Variants in PREX1 observed in about 807,000 individuals in gnomAD.
The protein encoded by PREX1 is phosphatidylinositol 3,4,5-trisphosphate-dependent Rac exchanger 1 protein.
In PREX1, 41 loss-of-function variants were observed where a neutral mutation model predicts 198.3. The ratio of observed to expected loss-of-function variants is 0.21; its 90% confidence interval spans 0.16 to 0.27. The LOEUF is 0.27. Ranked by LOEUF, PREX1 falls within the 10% of genes least tolerant of loss-of-function variation. PREX1 has a pLI of 1.00. For missense variants in PREX1, 1,620 were observed against 2,200.7 expected (o/e 0.74, Z 5.28); for synonymous variants, 843 against 887.2 (o/e 0.95, Z 0.89).
At chr20:48,736,680 T>C (rs1421562574) in intron 3 of PREX1, among the ~76,000 whole-genome samples, 1 of 152,164 alleles carries the variant, frequency 6.6e-6, no homozygotes, top group African/African-American at 2.4e-5. Context: ...TGGACACACC[T>C]GGAACCAGGA....
intron 1 of PREX1, among the ~76,000 whole-genome samples, chr20:48,802,888 T>C (rs1319398947): frequency 6.6e-6 from 1 of 152,150 alleles, no homozygotes; most frequent in African/African-American, 2.4e-5. Context: ...ACAGGGGCCC[T>C]GGCCCAAGCT....
chr20:48,634,384 T>C (rs1039737667), intron 33 of PREX1, among the ~76,000 whole-genome samples: 3 of 152,236 alleles, frequency 2.0e-5, no homozygotes, highest in Non-Finnish European at 1.5e-5. Context: ...TCTTAAGTTT[T>C]CACATCTCTA....
intron 27 of PREX1, among the ~76,000 whole-genome samples, chr20:48,643,468 A>T (rs937387656): frequency 2.0e-5 from 3 of 150,772 alleles, no homozygotes; most frequent in African/African-American, 7.3e-5. Flanking sequence ...ACTCTGTCTC[A>T]AAAAAAAATT....
At chr20:48,815,080 A>T (rs1177822487) in intron 1 of PREX1, among the ~76,000 whole-genome samples, 1 of 152,252 alleles carries the variant, frequency 6.6e-6, no homozygotes, top group Non-Finnish European at 1.5e-5. Flanking sequence ...TCAATTCACC[A>T]GGAAGACATA....
intron 1 of PREX1, among the ~76,000 whole-genome samples, chr20:48,787,144 T>C (rs2090316789): frequency 1.3e-5 from 2 of 152,114 alleles, no homozygotes; most frequent in South Asian, 2.1e-4. Flanking sequence ...TTCCTCACCA[T>C]GGTGACGGGC....
At chr20:48,793,109 G>T (rs550182606) in intron 1 of PREX1, among the ~76,000 whole-genome samples, 5 of 152,108 alleles carry the variant, frequency 3.3e-5, no homozygotes, top group African/African-American at 7.2e-5. Flanking sequence ...GAAGGCTGAG[G>T]GGGGAGAATT....
intron 14 of PREX1, among the ~76,000 whole-genome samples, chr20:48,675,765 G>C (rs1017387934): frequency 1.3e-5 from 2 of 152,172 alleles, no homozygotes; most frequent in African/African-American, 4.8e-5. Flanking sequence ...ATGGCCGGGC[G>C]TGGTGGCTCA....
At chr20:48,832,120 A>T (rs1166538968), upstream of PREX1, among the ~76,000 whole-genome samples, 1 of 149,554 alleles carries the variant, frequency 6.7e-6, no homozygotes, top group African/African-American at 2.5e-5. Flanking sequence ...AAGAAAAAAA[A>T]AAAATTGCAG....
intron 1 of PREX1, among the ~76,000 whole-genome samples, chr20:48,758,570 G>A (rs914186985): frequency 1.1e-4 from 16 of 152,214 alleles, no homozygotes; most frequent in African/African-American, 3.9e-4. Flanking sequence ...CTCGCTGCCT[G>A]TTAAAACACC....
the PREX1 span, among the ~76,000 whole-genome samples, chr20:48,852,616 C>A: frequency 6.6e-6 from 1 of 152,194 alleles, no homozygotes; most frequent in African/African-American, 2.4e-5. Flanking sequence ...GCAGTTCTAA[C>A]AAAGCTCCCA....
chr20:48,708,356 G>C lies in PREX1; in HGVS notation c.687C>G (p.Ala229=), dbSNP rs745709038. Residue 229 remains alanine (A), a synonymous_variant, in exon 6 of 40, where the codon GCC becomes GCG. Coordinates refer to ENST00000371941, the MANE Select transcript of PREX1 (RefSeq NM_020820.4). ...TGATGTTGGAGCAAACGGTCTTCAT[G>C]GCCTGCAGGGCACTCTGGACCGCGG... ...DHPAVQSALQ[A]MKTVCSNINE... is the part of the protein sequence containing the mutation. 1.2e-6 allele frequency: 2 copies of C among 1,614,142 alleles called. No homozygotes were observed. Among genetic ancestry groups the C allele is most frequent in the African/African-American group, 2.7e-5 (2 of 75,032 alleles).
At chr20:48,875,163 C>T in the PREX1 span, among the ~76,000 whole-genome samples, 5 of 152,132 alleles carry the variant, frequency 3.3e-5, no homozygotes, top group South Asian at 2.1e-4. Flanking sequence ...CATGAGTGTG[C>T]GCTCAGGGGG....
At chr20:48,789,647 C>A (rs980720408) in intron 1 of PREX1, among the ~76,000 whole-genome samples, 1 of 152,114 alleles carries the variant, frequency 6.6e-6, no homozygotes, top group Non-Finnish European at 1.5e-5. Context: ...ATATCAAAAC[C>A]ATTATTTCAT....
At chr20:48,869,458 C>T in the PREX1 span, among the ~76,000 whole-genome samples, 1 of 152,068 alleles carries the variant, frequency 6.6e-6, no homozygotes, top group African/African-American at 2.4e-5. Context: ...GCTACCTTGA[C>T]TGGTTGGATG....
rs571136869 is a variant in PREX1, at chr20:48,646,057, C to T, written c.3306G>A (p.Arg1102=). The change falls in exon 26 of 40, where the codon AGG becomes AGA. Residue 1102 remains arginine (R), a splice_region_variant and synonymous_variant. Transcript: ENST00000371941. ...EMKQYVTQIN[R]LLSTITEPTS... is the part of the protein sequence containing the mutation. ...TGGGCTCTGTGATGGTGGACAGCAG[C>T]CTACGGAAGCAAAGACCTTGAAGTC... 1 of 1,613,086 alleles carries T rather than the reference C, an allele frequency of 6.2e-7. No homozygotes were observed.
intron 14 of PREX1, among the ~76,000 whole-genome samples, chr20:48,671,018 T>C (rs1247735082): frequency 6.6e-6 from 1 of 152,210 alleles, no homozygotes; most frequent in Non-Finnish European, 1.5e-5. Context: ...CAACGGCCAA[T>C]GCCCACCTCA....
chr20:48,724,037 T>G (rs763724513), intron 5 of PREX1, among the ~76,000 whole-genome samples: 2 of 152,112 alleles, frequency 1.3e-5, no homozygotes, highest in Admixed American at 6.5e-5. Context: ...GACACTGGCC[T>G]CAAAACACAG....
At chr20:48,777,826 T>C (rs1198334285) in intron 1 of PREX1, among the ~76,000 whole-genome samples, 1 of 152,154 alleles carries the variant, frequency 6.6e-6, no homozygotes, top group African/African-American at 2.4e-5. Context: ...CAGCTCTGAC[T>C]GGAAGTGGGG....
intron 19 of PREX1, among the ~76,000 whole-genome samples, chr20:48,655,043 A>AT (rs1191706560): frequency 6.6e-6 from 1 of 152,138 alleles, no homozygotes; most frequent in Admixed American, 6.5e-5. Context: ...GTGAACATGT[A>AT]TTTTTTCACC....
Sources: gnomAD v4.1 joint callset for allele counts (sites outside exome capture counted in the v4.1 genomes callset) on GRCh38, gnomAD v4.1.1 for gene constraint, MANE v1.5 for transcripts, NCBI Gene and HGNC (gene_info 2026-07-23, HGNC 2026-07-21) for gene names.